Variants in WASHC2C observed in about 807,000 individuals in gnomAD.
WASHC2C encodes the protein Vaccinia Penetration Factor.
In WASHC2C, 73 loss-of-function variants were observed where a neutral mutation model predicts 142.2. That is an observed-to-expected ratio of 0.51 (90% CI 0.43 to 0.62). WASHC2C has a LOEUF of 0.62. Among genes scored for constraint, WASHC2C ranks in the 20% least tolerant of loss-of-function variants. The pLI, the probability that WASHC2C is intolerant of heterozygous loss-of-function variation, is 0.00. For missense variants in WASHC2C, 969 were observed against 1,531.7 expected, an observed-to-expected ratio of 0.63 and a Z score of 6.13; for synonymous variants, 337 against 565.5, an observed-to-expected ratio of 0.60 and a Z score of 5.73.
intron 6 of WASHC2C, among the ~76,000 whole-genome samples, chr10:45,743,979 C>A (rs1305863946): frequency 1.3e-5 from 2 of 151,346 alleles, no homozygotes; most frequent in Non-Finnish European, 2.9e-5. Flanking sequence ...GAATTCCTGA[C>A]CTCATGATCT....
intron 20 of WASHC2C, chr10:45,771,652 A>G (rs1361528872): frequency 1.1e-6 from 1 of 904,910 alleles, no homozygotes; most frequent in Non-Finnish European, 1.3e-6. Flanking sequence ...GATACATCCT[A>G]CCTCCTATTG....
chr10:45,754,221 C>G (rs2053963067), intron 13 of WASHC2C, among the ~76,000 whole-genome samples: 1 of 152,220 alleles, frequency 6.6e-6, no homozygotes, highest in Non-Finnish European at 1.5e-5. Flanking sequence ...TTGGTGTCCC[C>G]CAGCTGACCC....
chr10:45,746,580 G>T lies in WASHC2C; in HGVS notation c.685-20G>T, dbSNP rs2052862971. 6.2e-7 allele frequency: 1 copy of T among 1,612,988 alleles called. No homozygotes were observed. Among genetic ancestry groups the T allele is most frequent in the Non-Finnish European group, 8.5e-7 (1 of 1,179,306 alleles). On this transcript the variant is annotated intron_variant, in intron 7 of 30. Coordinates refer to ENST00000623400, the MANE Select transcript of WASHC2C (RefSeq NM_001330074.2). ...TAAGTAAAGCCCATTTAACAACAAA[G>T]CCTTTTCTTACCCATAAAGGAGTCA...
intron 16 of WASHC2C, among the ~76,000 whole-genome samples, chr10:45,757,955 T>C (rs1589752126): frequency 6.6e-6 from 1 of 152,370 alleles, no homozygotes; most frequent in Admixed American, 6.5e-5. Context: ...TTTTTTTATG[T>C]TTTGATTTTT....
rs1282410189 is a variant in WASHC2C, at chr10:45,785,648, A to C, written c.2811+17A>C. 6.2e-7 allele frequency: 1 copy of C among 1,612,904 alleles called. No individual in the cohort carries two copies. Among genetic ancestry groups the C allele is most frequent in the Non-Finnish European group, 8.5e-7 (1 of 1,179,828 alleles). On this transcript the variant is annotated intron_variant, in intron 26 of 30. Transcript: ENST00000623400. ...ACACCTCAGGTTAGAAATCCTCTTT[A>C]AGGATTTTCAGCTCTTGTTTGCATC...
intron 23 of WASHC2C, among the ~76,000 whole-genome samples, chr10:45,784,289 T>TATACAC (rs1333007505): frequency 1.4e-3 from 25 of 17,702 alleles, no homozygotes; most frequent in Admixed American, 3.9e-3. Flanking sequence ...TATATATATA[T>TATACAC]ACACATATAT....
chr10:45,736,249 A>T (rs1554864623), intron 3 of WASHC2C, among the ~76,000 whole-genome samples: 1 of 150,762 alleles, frequency 6.6e-6, no homozygotes, highest in Non-Finnish European at 1.5e-5. Flanking sequence ...CTAAAAATAC[A>T]AAAAAAATTA....
chr10:45,758,789 G>A (rs1480779511), intron 16 of WASHC2C, among the ~76,000 whole-genome samples: 22 of 149,632 alleles, frequency 1.5e-4, no homozygotes, highest in Admixed American at 2.7e-4. Context: ...TTGTGGAGAC[G>A]GGTTTTGCCC....
At position 45,729,027 on chromosome 10, in the gene WASHC2C, G is replaced by A. The variant is rs1337402427; in HGVS notation, c.291+1G>A. On this transcript the variant is annotated splice_donor_variant, in intron 3 of 30. Coordinates refer to ENST00000623400, the MANE Select transcript of WASHC2C (RefSeq NM_001330074.2). LOFTEE classifies it high-confidence loss of function. ...CTCTAATACCCAGTTCATAGAGAAT[G>A]TGAGTTATTTAGTTATATTATAATT... 40 of 1,610,436 alleles carry A rather than the reference G, an allele frequency of 2.5e-5. No individual in the cohort carries two copies. Among genetic ancestry groups the A allele is most frequent in the Non-Finnish European group, 3.2e-5 (38 of 1,178,874 alleles).
intron 18 of WASHC2C, among the ~76,000 whole-genome samples, chr10:45,763,860 C>T (rs1418210713): frequency 6.6e-6 from 1 of 152,100 alleles, no homozygotes; most frequent in Admixed American, 6.6e-5. Context: ...CACCACCACT[C>T]CCGGCTAATT....
At chr10:45,771,235 C>T (rs1353372152) in intron 20 of WASHC2C, among the ~76,000 whole-genome samples, 7 of 151,638 alleles carry the variant, frequency 4.6e-5, no homozygotes, top group Admixed American at 1.3e-4. Context: ...CGTCGTGTCA[C>T]GCACCTGTAA....
At chr10:45,738,646 A>G (rs1237114450) in intron 4 of WASHC2C, among the ~76,000 whole-genome samples, 8 of 152,228 alleles carry the variant, frequency 5.3e-5, no homozygotes, top group Non-Finnish European at 1.0e-4. Flanking sequence ...AAAACCAGCT[A>G]TAGTTCTGCC....
chr10:45,763,863 G>A (rs530728482), intron 18 of WASHC2C, among the ~76,000 whole-genome samples: 3 of 152,028 alleles, frequency 2.0e-5, no homozygotes, highest in South Asian at 4.2e-4. Context: ...CACCACTCCC[G>A]GCTAATTTTT....
At chr10:45,761,538 T>C (rs190140423) in intron 17 of WASHC2C, among the ~76,000 whole-genome samples, 19,127 of 151,848 alleles carry the variant, frequency 0.13, 1,397 homozygotes, top group Admixed American at 0.2. Context: ...TTTTATTGGA[T>C]ATTGTTCAGA....
chr10:45,758,559 T>A (rs1194588380), intron 16 of WASHC2C, among the ~76,000 whole-genome samples: 2 of 152,050 alleles, frequency 1.3e-5, no homozygotes, highest in African/African-American at 2.4e-5. Flanking sequence ...TGGGATCATG[T>A]ATTCATTCTT....
intron 28 of WASHC2C, 61 bp from the exon 29 acceptor site, chr10:45,788,810 A>G (rs1340712481): frequency 2.2e-5 from 36 of 1,611,886 alleles, no homozygotes; most frequent in South Asian, 1.3e-4. Flanking sequence ...ATTCTTTGCC[A>G]TGGTAGCTTT....
chr10:45,765,309 G>A (rs1437305962), intron 18 of WASHC2C, among the ~76,000 whole-genome samples: 6 of 151,040 alleles, frequency 4.0e-5, no homozygotes, highest in Non-Finnish European at 5.9e-5. Context: ...GTGAGTTTCT[G>A]GCTGCTGCGG....
chr10:45,773,825 G>A (rs2056832300), intron 21 of WASHC2C, among the ~76,000 whole-genome samples: 1 of 131,880 alleles, frequency 7.6e-6, no homozygotes, highest in African/African-American at 2.9e-5. Flanking sequence ...TTAGACTGTG[G>A]AATACTATAC....
rs1394721115 is a variant in WASHC2C at position 45,789,416 on chromosome 10, T to C, written c.3633T>C (p.Asp1211=). ...LLEDEDDLFT[D]QKVKKNETKS... ...AAGATGAGGATGACCTCTTTACAGA[T>C]CAGAAAGTCAAGAAGAATGAGACAA... The change falls in exon 29 of 31, where the codon GAT becomes GAC. Residue 1211 remains aspartate (D), a synonymous_variant. Coordinates refer to ENST00000623400, the MANE Select transcript of WASHC2C (RefSeq NM_001330074.2). The C allele has an allele frequency of 2.0e-5, 32 of 1,611,892 alleles. No homozygotes were observed. In the East Asian group the frequency reaches 6.9e-4, roughly 35 times the overall value.
Sources: gnomAD v4.1 joint callset for allele counts (sites outside exome capture counted in the v4.1 genomes callset) on GRCh38, gnomAD v4.1.1 for gene constraint, MANE v1.5 for transcripts, NCBI Gene and HGNC (gene_info 2026-07-23, HGNC 2026-07-21) for gene names.